The following CNOT1 variants were observed in gnomAD, a reference collection of about 807,000 sequenced individuals.
The protein encoded by CNOT1 is CCR4-NOT transcription complex subunit 1, also known as CCR4-associated factor 1.
CNOT1 carries 15 observed loss-of-function variants against 273.8 expected under a neutral mutation model. That is an observed-to-expected ratio of 0.05 (90% confidence interval 0.04 to 0.08). The LOEUF is 0.08. Ranked by LOEUF, CNOT1 falls within the 10% of genes least tolerant of loss-of-function variation. The pLI is 1.00. For synonymous variants in CNOT1, 1,022 were observed against 1,005.5 expected (o/e 1.02, Z -0.31); for missense variants, 1,644 against 2,912.2 (o/e 0.56, Z 10.02).
In CNOT1 at chr16:58,585,457, A is replaced by G. The variant is rs1597513122; in HGVS notation, c.687T>C (p.Pro229=). 1 of 1,585,296 alleles carries G rather than the reference A, an allele frequency of 6.3e-7. No individual in the cohort carries two copies. The highest frequency in any genetic ancestry group is 1.7e-4 in the Middle Eastern group (1 of 5,878). ...TGTCCATTAGAATGTCCCGTTTTTC[A>G]GGGTATAAAAGTGGTGCGAGCACCA... The part of the protein sequence containing the change: ...CPVVLAPLLY[P]EKRDILMDRI... The change falls in exon 8 of 49, where the codon CCT becomes CCC. Residue 229 remains proline (P), a synonymous_variant. Transcript: ENST00000317147.
At chr16:58,588,950 C>CA (rs74264112) in intron 2 of CNOT1, 44 bp from the exon 3 acceptor site, 29,413 of 941,038 alleles carry the variant, frequency 0.031, no homozygotes, top group South Asian at 0.043. Flanking sequence ...GAAGATAAAA[C>CA]AAAAAAAAAA....
chr16:58,623,446 T>C (rs956707555), intron 1 of CNOT1: 3 of 152,092 alleles, frequency 2.0e-5, no homozygotes, highest in Admixed American at 1.3e-4. Context: ...ATTAGGACTT[T>C]TAGCCCCACC....
chr16:58,607,071 A>G (rs981175937), intron 1 of CNOT1, among the ~76,000 whole-genome samples: 8 of 152,308 alleles, frequency 5.3e-5, no homozygotes, highest in South Asian at 4.1e-4. Flanking sequence ...AAGTATACTC[A>G]TGACACTAAG....
At chr16:58,583,625 C>T (rs773996939) in intron 8 of CNOT1, among the ~76,000 whole-genome samples, 1 of 152,054 alleles carries the variant, frequency 6.6e-6, no homozygotes, top group Non-Finnish European at 1.5e-5. Flanking sequence ...AGTACAATGG[C>T]ACAATCTTGG....
intron 2 of CNOT1, among the ~76,000 whole-genome samples, chr16:58,598,546 G>A (rs551587565): frequency 1.2e-3 from 187 of 150,760 alleles, no homozygotes; most frequent in South Asian, 8.2e-3. Context: ...TCCAGCCTGA[G>A]CGACAGAGCT....
intron 45 of CNOT1, among the ~76,000 whole-genome samples, 174 bp from the exon 46 acceptor site, chr16:58,525,533 T>G (rs1257258857): frequency 6.6e-6 from 1 of 151,168 alleles, no homozygotes; most frequent in East Asian, 2.0e-4. Context: ...CAAAGGTGGT[T>G]GTATCAATAA....
chr16:58,625,798 C>A (rs2043549015), intron 1 of CNOT1, among the ~76,000 whole-genome samples: 2 of 145,636 alleles, frequency 1.4e-5, no homozygotes, highest in Admixed American at 7.1e-5. Context: ...ATCAAGGCTG[C>A]AGTGAGCAGG....
intron 1 of CNOT1, among the ~76,000 whole-genome samples, chr16:58,609,120 T>C (rs1231475277): frequency 6.6e-6 from 1 of 152,180 alleles, no homozygotes; most frequent in Non-Finnish European, 1.5e-5. Context: ...ATGCCTGTAA[T>C]CCCAGCACTT....
Position 58,580,780 on chromosome 16 carries a change from T to G in CNOT1, c.1216-20A>C. On this transcript the variant is annotated intron_variant, in intron 11 of 48. Coordinates refer to ENST00000317147, the MANE Select transcript of CNOT1 (RefSeq NM_016284.5). Reference sequence around the variant, plus strand: ...GGAGAGCTGCAATGAAAGAAAATGCTTACCACCATAAATGATTGTGAATGC... The same window carrying G: ...GGAGAGCTGCAATGAAAGAAAATGCGTACCACCATAAATGATTGTGAATGC... The G allele has an allele frequency of 2.5e-6, 4 of 1,598,460 alleles. No homozygotes were observed. The highest frequency in any genetic ancestry group is 3.4e-6 in the Non-Finnish European group (4 of 1,171,550).
At chr16:58,601,171 G>C (rs914773555) in intron 1 of CNOT1, among the ~76,000 whole-genome samples, 17 of 152,284 alleles carry the variant, frequency 1.1e-4, no homozygotes, top group Non-Finnish European at 2.2e-4. Flanking sequence ...GGCCTGGCTG[G>C]TCTTGAACTC....
At position 58,538,862 on chromosome 16, in the gene CNOT1, A is replaced by G. The variant is rs753974737; in HGVS notation, c.5045T>C (p.Leu1682Pro). 6.2e-7 allele frequency: 1 copy of G among 1,610,996 alleles called. No homozygotes were observed. The highest frequency in any genetic ancestry group is 2.2e-5 in the East Asian group (1 of 44,796). The change falls in exon 36 of 49, where the codon CTG becomes CCG. Residue 1682 changes from leucine to proline, a missense_variant. Physicochemically the swap from Leu to Pro is moderately conservative, Grantham distance 98 (BLOSUM62 -3). Transcript: ENST00000317147. The stretch of plus-strand genomic sequence containing the variant: ...CAAGAGGTGGCATTCCCTGTAGCGC[A>G]GCAGAAGGTCAGCATCAGCACCACT... Reference protein sequence around the residue: ...ATSGADADLLLRYRECHLLVL... With the variant: ...ATSGADADLLPRYRECHLLVL...
chr16:58,521,366 CATG>C, intron 47 of CNOT1, 49 bp from the exon 48 acceptor site: 1 of 1,538,880 alleles, frequency 6.5e-7, no homozygotes, highest in South Asian at 1.2e-5. Flanking sequence ...CATACAAATT[CATG>C]ATTATTCTTC....
At chr16:58,621,818 G>A (rs1243720373) in intron 1 of CNOT1, among the ~76,000 whole-genome samples, 4 of 149,542 alleles carry the variant, frequency 2.7e-5, no homozygotes, top group Non-Finnish European at 4.4e-5. Context: ...GGCTGAGGCA[G>A]GAGAATGGCA....
At position 58,594,074 on chromosome 16, in the gene CNOT1, G is replaced by A. The variant is rs149779393; in HGVS notation, c.102+5162C>T. Among the ~76,000 whole-genome samples, 310 of 152,044 alleles carry A rather than the reference G, an allele frequency of 2.0e-3. 1 individual carries two copies. The highest frequency in any genetic ancestry group is 7.3e-3 in the African/African-American group (303 of 41,480). On this transcript the variant is annotated intron_variant, in intron 2 of 48. Transcript: ENST00000317147. Reference sequence around the variant, plus strand: ...AGCCTGACCAATATGGAGAAACCCCGTCTCTACTAAAAATACAAAATTAGC... The same window carrying A: ...AGCCTGACCAATATGGAGAAACCCCATCTCTACTAAAAATACAAAATTAGC...
intron 40 of CNOT1, among the ~76,000 whole-genome samples, chr16:58,533,914 G>A (rs189686525): frequency 6.6e-6 from 1 of 152,120 alleles, no homozygotes; most frequent in East Asian, 1.9e-4. Flanking sequence ...TGGATCACTC[G>A]AGGCCAGAAG....
intron 44 of CNOT1, 33 bp from the exon 45 acceptor site, chr16:58,526,171 G>T: frequency 6.2e-7 from 1 of 1,611,034 alleles, no homozygotes; most frequent in South Asian, 1.1e-5. Context: ...ATCACAAGCA[G>T]AATCATTTTT....
chr16:58,603,040 C>A (rs1265950789), intron 1 of CNOT1, among the ~76,000 whole-genome samples: 1 of 152,118 alleles, frequency 6.6e-6, no homozygotes. Flanking sequence ...GCCAATCTGA[C>A]AGGAAATTAT....
In CNOT1 at chr16:58,523,295, G is replaced by A. The variant is rs930223260; in HGVS notation, c.6917+75C>T. 6 of 1,427,954 alleles carry A rather than the reference G, an allele frequency of 4.2e-6. No individual in the cohort carries two copies. The Admixed American group carries it at 9.3e-5, about 22-fold the overall frequency. 88.5% of individuals were successfully genotyped at this position (1,427,954 alleles called of 1,614,324 possible). ...AACGGATTTTCACTGAACACTGAAA[G>A]CATAAAGAGGAAAAAAAAAAGATGA... On this transcript the variant is annotated intron_variant, in intron 47 of 48. Transcript: ENST00000317147.
intron 44 of CNOT1, chr16:58,527,977 G>C: frequency 3.0e-6 from 1 of 334,416 alleles, no homozygotes; most frequent in South Asian, 2.3e-5. Flanking sequence ...GCCAGGTGTG[G>C]TGGCGAGTGC....
Sources: gnomAD v4.1 joint callset for allele counts (sites outside exome capture counted in the v4.1 genomes callset) on GRCh38, gnomAD v4.1.1 for gene constraint, MANE v1.5 for transcripts, NCBI Gene and HGNC (gene_info 2026-07-23, HGNC 2026-07-21) for gene names.